RBFOX1: variants seen among roughly 807,000 people sequenced by gnomAD.
RBFOX1 encodes RNA binding fox-1 homolog 1.
RBFOX1 carries 8 observed loss-of-function variants against 57.7 expected under a neutral mutation model. The observed-to-expected ratio is 0.14, with a 90% CI of 0.08 to 0.25. The LOEUF is 0.25. RBFOX1 is among the 10% of genes least tolerant of loss of function. The probability of loss-of-function intolerance (pLI) is 1.00; values close to 1 mark genes in which losing one functional copy is unlikely to be tolerated. For missense variants in RBFOX1, 611 were observed against 548.5 expected (o/e 1.11, Z -1.14); for synonymous variants, 326 against 222.4 (o/e 1.47, Z -4.15).
intron 3 of RBFOX1, among the ~76,000 whole-genome samples, chr16:7,008,172 G>A (rs1050098343): frequency 1.3e-5 from 2 of 152,120 alleles, no homozygotes; most frequent in African/African-American, 4.8e-5. Flanking sequence ...AGTTGTTACC[G>A]AAGAAAATGT....
chr16:5,684,550 T>G (rs1425357497), intron 3 of RBFOX1, among the ~76,000 whole-genome samples: 1 of 152,190 alleles, frequency 6.6e-6, no homozygotes, highest in Non-Finnish European at 1.5e-5. Flanking sequence ...TACATTTCTC[T>G]TGGTTCCCTC....
At chr16:7,394,425 C>G (rs1291028976) in intron 4 of RBFOX1, among the ~76,000 whole-genome samples, 2 of 152,024 alleles carry the variant, frequency 1.3e-5, no homozygotes, top group African/African-American at 4.8e-5. Context: ...TTGCTTACCT[C>G]CCCTAATGGC....
intron 3 of RBFOX1, among the ~76,000 whole-genome samples, chr16:5,780,784 G>A (rs74006286): frequency 0.023 from 3,505 of 152,274 alleles, 135 homozygotes; most frequent in African/African-American, 0.078. Flanking sequence ...TGGGACGCCT[G>A]GTTTAAGTTC....
intron 5 of RBFOX1, among the ~76,000 whole-genome samples, chr16:7,552,346 A>T (rs373367125): frequency 6.6e-6 from 1 of 152,190 alleles, no homozygotes; most frequent in South Asian, 2.1e-4. Context: ...GTGAGAGGCG[A>T]CAGGATACTC....
At chr16:6,274,188 T>C (rs558830174) in intron 1 of RBFOX1, among the ~76,000 whole-genome samples, 2 of 152,302 alleles carry the variant, frequency 1.3e-5, no homozygotes, top group Admixed American at 1.3e-4. Flanking sequence ...AACCTAGTAA[T>C]TGCCTTCCTG....
chr16:6,417,679 C>T (rs1411225430), intron 2 of RBFOX1, among the ~76,000 whole-genome samples: 3 of 146,704 alleles, frequency 2.0e-5, no homozygotes, highest in Admixed American at 1.4e-4. Context: ...TGTGAGCCAC[C>T]ATGTCTGGCC....
chr16:7,218,616 T>G (rs1455677881), intron 4 of RBFOX1, among the ~76,000 whole-genome samples: 2 of 139,842 alleles, frequency 1.4e-5, no homozygotes, highest in South Asian at 2.3e-4. Flanking sequence ...ACTTAGGGTT[T>G]GTGGGGGTTT....
At chr16:6,612,817 A>C (rs2098081927) in intron 2 of RBFOX1, among the ~76,000 whole-genome samples, 1 of 148,894 alleles carries the variant, frequency 6.7e-6, no homozygotes, top group East Asian at 2.0e-4. Context: ...ATGCCACTGC[A>C]CTCCAGCCTG....
intron 11 of RBFOX1, among the ~76,000 whole-genome samples, chr16:7,633,443 A>C (rs936227727): frequency 2.0e-5 from 3 of 152,212 alleles, no homozygotes; most frequent in Admixed American, 6.5e-5. Flanking sequence ...ATGAACCCAT[A>C]GTATTGTTTC....
intron 3 of RBFOX1, among the ~76,000 whole-genome samples, chr16:6,913,699 G>A (rs1051730660): frequency 6.6e-6 from 1 of 152,138 alleles, no homozygotes; most frequent in Non-Finnish European, 1.5e-5. Flanking sequence ...GCCTAGCTGG[G>A]CCAGGCTCTG....
At chr16:7,195,626 C>T (rs573110135) in intron 4 of RBFOX1, among the ~76,000 whole-genome samples, 6 of 152,120 alleles carry the variant, frequency 3.9e-5, no homozygotes, top group Non-Finnish European at 8.8e-5. Context: ...GGTGGGATCT[C>T]AACTCACTGC....
chr16:6,621,706 C>T (rs560957204), intron 2 of RBFOX1, among the ~76,000 whole-genome samples: 1 of 152,150 alleles, frequency 6.6e-6, no homozygotes, highest in African/African-American at 2.4e-5. Flanking sequence ...AAATACTGGG[C>T]TAATGCTCGT....
chr16:6,902,130 C>G (rs2068646402), intron 3 of RBFOX1, among the ~76,000 whole-genome samples: 1 of 152,100 alleles, frequency 6.6e-6, no homozygotes, highest in Non-Finnish European at 1.5e-5. Context: ...ACCAGGAGTG[C>G]TGGAACTTGG....
At chr16:5,748,748 T>G (rs1392557912) in intron 3 of RBFOX1, among the ~76,000 whole-genome samples, 1 of 152,186 alleles carries the variant, frequency 6.6e-6, no homozygotes, top group Non-Finnish European at 1.5e-5. Flanking sequence ...TCCCTTTATT[T>G]TGAGCCTATG....
intron 2 of RBFOX1, among the ~76,000 whole-genome samples, chr16:5,484,061 C>G (rs940796016): frequency 2.6e-5 from 4 of 152,168 alleles, no homozygotes; most frequent in African/African-American, 9.7e-5. Context: ...GTCCCAACTA[C>G]TCAGGAAGCT....
intron 3 of RBFOX1, among the ~76,000 whole-genome samples, chr16:6,823,903 G>A (rs2091738356): frequency 6.6e-6 from 1 of 152,130 alleles, no homozygotes; most frequent in Admixed American, 6.5e-5. Context: ...AAAGGAGCAT[G>A]CTGGAGTTAC....
chr16:7,218,492 A>C (rs1020407582), intron 4 of RBFOX1, among the ~76,000 whole-genome samples: 1 of 152,178 alleles, frequency 6.6e-6, no homozygotes, highest in African/African-American at 2.4e-5. Context: ...TTGAGAGAGA[A>C]AATAGCAAAA....
intron 1 of RBFOX1, among the ~76,000 whole-genome samples, chr16:6,232,578 G>A (rs1016302088): frequency 6.6e-6 from 1 of 152,158 alleles, no homozygotes; most frequent in African/African-American, 2.4e-5. Context: ...TTGCCTTGGA[G>A]ATTGACTTTC....
intron 4 of RBFOX1, among the ~76,000 whole-genome samples, chr16:7,077,264 C>G (rs932205348): frequency 2.0e-5 from 3 of 152,216 alleles, no homozygotes; most frequent in Admixed American, 1.3e-4. Flanking sequence ...GGGCAAGGTA[C>G]TGTTAGCCCC....
Sources: allele counts gnomAD v4.1 joint callset (sites outside exome capture counted in the v4.1 genomes callset), GRCh38; gene constraint gnomAD v4.1.1; transcripts MANE v1.5; gene names NCBI Gene and HGNC (gene_info 2026-07-23, HGNC 2026-07-21).